TPRG1: variants seen among roughly 807,000 people sequenced by gnomAD.
The protein encoded by TPRG1 is tumor protein p63-regulated gene 1 protein.
Under a neutral mutation model 29.3 loss-of-function variants are expected in TPRG1, and 29 were observed. The observed-to-expected ratio is 0.99, with a 90% CI of 0.74 to 1.35. The LOEUF is 1.35. Ranked by LOEUF, TPRG1 falls within the 40% of genes most tolerant of loss-of-function variation. The probability of loss-of-function intolerance (pLI) is 0.00; values close to 1 mark genes in which losing one functional copy is unlikely to be tolerated. For missense variants in TPRG1, 327 were observed against 335.0 expected (o/e 0.98, Z 0.19); for synonymous variants, 130 against 116.8 (o/e 1.11, Z -0.73).
intron 4 of TPRG1, among the ~76,000 whole-genome samples, chr3:189,250,573 C>A (rs1742076808): frequency 8.3e-6 from 1 of 121,200 alleles, no homozygotes; most frequent in African/African-American, 3.2e-5. Flanking sequence ...TGATTGTTAT[C>A]TTTACTTCTA....
chr3:189,015,206 C>G (rs987810070), intron 3 of TPRG1, among the ~76,000 whole-genome samples: 1 of 152,070 alleles, frequency 6.6e-6, no homozygotes, highest in African/African-American at 2.4e-5. Context: ...TGGCATTGTG[C>G]CCCTGTTCTA....
intron 3 of TPRG1, among the ~76,000 whole-genome samples, chr3:189,145,532 C>T (rs777911266): frequency 6.6e-6 from 1 of 152,064 alleles, no homozygotes; most frequent in Non-Finnish European, 1.5e-5. Context: ...CAGAGACTTA[C>T]TGTTTCTAAG....
intron 4 of TPRG1, among the ~76,000 whole-genome samples, chr3:189,089,128 C>CTA (rs1426396827): frequency 1.3e-5 from 2 of 152,030 alleles, no homozygotes; most frequent in Non-Finnish European, 2.9e-5. Context: ...GACTAACAGT[C>CTA]TATAGTTTGA....
intron 4 of TPRG1, among the ~76,000 whole-genome samples, chr3:189,076,529 CTGTT>C (rs1717181999): frequency 1.3e-5 from 2 of 149,958 alleles, no homozygotes; most frequent in South Asian, 4.2e-4. Flanking sequence ...GTCACTGAGA[CTGTT>C]TTTTTTTTTA....
intron 3 of TPRG1, among the ~76,000 whole-genome samples, chr3:189,217,487 C>T (rs765395447): frequency 1.3e-5 from 2 of 152,124 alleles, no homozygotes; most frequent in Non-Finnish European, 2.9e-5. Context: ...GGAACCCATC[C>T]ATCCCCTTTA....
At chr3:189,099,578 G>A (rs1718941371), upstream of TPRG1, among the ~76,000 whole-genome samples, 1 of 152,126 alleles carries the variant, frequency 6.6e-6, no homozygotes. Flanking sequence ...TGTTTTAGTT[G>A]TTTATGTGGT....
chr3:189,014,688 G>A (rs1044375453), intron 3 of TPRG1, among the ~76,000 whole-genome samples: 2 of 152,128 alleles, frequency 1.3e-5, no homozygotes, highest in African/African-American at 2.4e-5. Flanking sequence ...TTGAAAGTGT[G>A]TGGCACTTCC....
intron 2 of TPRG1, among the ~76,000 whole-genome samples, chr3:189,004,384 TG>T: frequency 6.6e-6 from 1 of 152,314 alleles, no homozygotes; most frequent in East Asian, 1.9e-4. Flanking sequence ...AGTTTTGAAA[TG>T]ACAAGAAATA....
upstream of TPRG1, among the ~76,000 whole-genome samples, chr3:189,170,514 T>A (rs537354929): frequency 2.6e-5 from 4 of 152,338 alleles, no homozygotes; most frequent in South Asian, 8.3e-4. Flanking sequence ...CTTGTTAGGA[T>A]CCTGTCTGTG....
At chr3:189,312,148 T>A in intron 5 of TPRG1, among the ~76,000 whole-genome samples, 1 of 50,098 alleles carries the variant, frequency 2.0e-5, no homozygotes, top group South Asian at 9.4e-4. Flanking sequence ...TTTCTTTCTT[T>A]CTTTCTTTCT....
intron 4 of TPRG1, among the ~76,000 whole-genome samples, chr3:189,037,236 TCTA>T (rs1214945959): frequency 5.3e-5 from 8 of 151,682 alleles, no homozygotes; most frequent in African/African-American, 1.9e-4. Flanking sequence ...GTGTAAAAAT[TCTA>T]CGAAAATCAT....
At chr3:189,160,650 C>A (rs1408505680) in intron 5 of TPRG1, among the ~76,000 whole-genome samples, 1 of 152,088 alleles carries the variant, frequency 6.6e-6, no homozygotes, top group African/African-American at 2.4e-5. Context: ...TTGGTGGCGG[C>A]TACAGGAATC....
At chr3:189,245,776 T>C (rs1741291122) in intron 4 of TPRG1, among the ~76,000 whole-genome samples, 1 of 152,152 alleles carries the variant, frequency 6.6e-6, no homozygotes, top group African/African-American at 2.4e-5. Flanking sequence ...CAAAAATCTA[T>C]CACTGTGGAA....
chr3:189,053,450 A>G (rs1040378336), intron 4 of TPRG1, among the ~76,000 whole-genome samples: 1 of 152,170 alleles, frequency 6.6e-6, no homozygotes, highest in South Asian at 2.1e-4. Context: ...GGGCTCCCGG[A>G]TAGTATCAAG....
chr3:189,026,996 T>C (rs1418221209), intron 4 of TPRG1, among the ~76,000 whole-genome samples: 3 of 152,216 alleles, frequency 2.0e-5, no homozygotes, highest in Non-Finnish European at 4.4e-5. Flanking sequence ...CTTTTGATTT[T>C]TTGTAAGTAA....
chr3:189,209,646 A>C (rs1379108609), intron 2 of TPRG1, among the ~76,000 whole-genome samples: 1 of 152,214 alleles, frequency 6.6e-6, no homozygotes, highest in Non-Finnish European at 1.5e-5. Context: ...TGTTAGTGGA[A>C]GGGCTGCAGC....
At chr3:189,079,007 A>C (rs1271291859) in intron 4 of TPRG1, among the ~76,000 whole-genome samples, 1 of 152,190 alleles carries the variant, frequency 6.6e-6, no homozygotes, top group Non-Finnish European at 1.5e-5. Context: ...TATTGGGCTC[A>C]TGGTTCTGCA....
At chr3:189,032,905 T>C (rs2152130547) in intron 4 of TPRG1, among the ~76,000 whole-genome samples, 1 of 152,154 alleles carries the variant, frequency 6.6e-6, no homozygotes, top group African/African-American at 2.4e-5. Context: ...ATTTCATCCA[T>C]GTCCCTACAA....
intron 5 of TPRG1, among the ~76,000 whole-genome samples, chr3:189,151,964 C>T: frequency 6.6e-6 from 1 of 152,074 alleles, no homozygotes. Context: ...GTGAAATAGT[C>T]CTCTCTGTCT....
Sources: allele counts gnomAD v4.1 joint callset (sites outside exome capture counted in the v4.1 genomes callset), GRCh38; gene constraint gnomAD v4.1.1; transcripts MANE v1.5; gene names NCBI Gene and HGNC (gene_info 2026-07-23, HGNC 2026-07-21).